The following DBT variants were observed in gnomAD, a reference collection of about 807,000 sequenced individuals.
DBT encodes the protein dihydrolipoamide branched chain transacylase E2, also known as lipoamide acyltransferase component of branched-chain alpha-keto acid dehydrogenase complex, mitochondrial.
Under a neutral mutation model 51.3 loss-of-function variants are expected in DBT, and 40 were observed. That is an observed-to-expected ratio of 0.78 (90% confidence interval 0.61 to 1.02). The LOEUF (loss-of-function observed/expected upper bound fraction) is 1.02. Among genes scored for constraint, DBT ranks in the 50% least tolerant of loss-of-function variants. The probability of loss-of-function intolerance (pLI) is 0.00; values close to 1 mark genes in which losing one functional copy is unlikely to be tolerated. For synonymous variants in DBT, 181 were observed against 190.4 expected, an observed-to-expected ratio of 0.95 and a Z score of 0.41; for missense variants, 510 against 580.2, an observed-to-expected ratio of 0.88 and a Z score of 1.24.
chr1:100,247,845 T>G (rs1463515715), intron 1 of DBT, among the ~76,000 whole-genome samples: 1 of 151,526 alleles, frequency 6.6e-6, no homozygotes, highest in African/African-American at 2.4e-5. Flanking sequence ...GCTCATCCTG[T>G]AATCCCAGCA....
In DBT at chr1:100,210,325, TAAGAAGAAGAAG is replaced by T. The variant is rs145600331; in HGVS notation, c.1017+357_1017+368del. ...ACTCTGCCAATAATAATAATAATAATAAGAAGAAGAAGAAGAAGAAGAATAAGAATAATAATA... is the reference window on the plus strand; with the variant it reads ...ACTCTGCCAATAATAATAATAATAATAAGAAGAAGAATAAGAATAATAATA... On this transcript the variant is annotated intron_variant, in intron 8 of 10. Coordinates refer to ENST00000370132, the MANE Select transcript of DBT (RefSeq NM_001918.5). Among the ~76,000 whole-genome samples the T allele has an allele frequency of 3.5e-3, 499 of 144,090 alleles. 3 individuals are homozygous for T. The highest frequency in any genetic ancestry group is 8.1e-3 in the South Asian group (36 of 4,454). 94.5% of individuals were successfully genotyped at this position (144,090 alleles called of 152,430 possible).
chr1:100,219,049 A>G (rs1182362660), intron 4 of DBT, among the ~76,000 whole-genome samples: 1 of 152,152 alleles, frequency 6.6e-6, no homozygotes, highest in Admixed American at 6.5e-5. Context: ...GTTTTCCTCA[A>G]GAAATTTTAA....
chr1:100,212,333 G>A (rs1662198522), intron 7 of DBT, among the ~76,000 whole-genome samples: 1 of 152,056 alleles, frequency 6.6e-6, no homozygotes, highest in South Asian at 2.1e-4. Flanking sequence ...GCTCATCCCT[G>A]TAAGACCAGC....
intron 10 of DBT, 83 bp from the exon 11 acceptor site, chr1:100,196,505 ATGG>A (rs1480630151): frequency 2.3e-4 from 339 of 1,501,732 alleles, no homozygotes; most frequent in Middle Eastern, 1.2e-3. Context: ...AGCTCTAACA[ATGG>A]TGTAAGATCA....
Position 100,187,888 on chromosome 1 carries a change from GA to G in DBT, c.*8366del, listed in dbSNP as rs1449123856. 1 of 152,128 alleles carries G rather than the reference GA, an allele frequency of 6.6e-6. No homozygotes were observed. The highest frequency in any genetic ancestry group is 2.4e-5 in the African/African-American group (1 of 41,426). The allele number at this position is 152,128 out of a possible 1,614,324, so 9.4% of individuals were successfully genotyped here. Reference sequence around the variant, plus strand: ...TTGTATTTAGAAAGTATGACAATCTGAAAATCAACATTTTACAGAAGTGACA... The same window carrying G: ...TTGTATTTAGAAAGTATGACAATCTGAAATCAACATTTTACAGAAGTGACA... On this transcript the variant is annotated 3_prime_UTR_variant, in exon 11 of 11. Coordinates refer to ENST00000370132, the MANE Select transcript of DBT (RefSeq NM_001918.5).
At chr1:100,246,415 TGGAC>T (rs1664544766) in intron 1 of DBT, among the ~76,000 whole-genome samples, 3 of 152,222 alleles carry the variant, frequency 2.0e-5, no homozygotes, top group Admixed American at 2.0e-4. Flanking sequence ...GACATTGTAC[TGGAC>T]TTGGAAATGC....
rs1356550702 is a variant in DBT at position 100,192,117 on chromosome 1, T to C, written c.*4138A>G. On this transcript the variant is annotated 3_prime_UTR_variant, in exon 11 of 11. Transcript: ENST00000370132. ...TCCGGCCTCTCTTGGTGATTTTGAC[T>C]GGAAATGATGTGGGTTCACACACAT... is the stretch of plus-strand genomic sequence containing the variant. The C allele has an allele frequency of 6.6e-6, 1 of 152,190 alleles. No homozygotes were observed. The highest frequency in any genetic ancestry group is 1.5e-5 in the Non-Finnish European group (1 of 68,072). The allele number at this position is 152,190 out of a possible 1,614,324, so 9.4% of individuals were successfully genotyped here.
Position 100,233,800 on chromosome 1 carries a change from T to C in DBT, c.251+1636A>G, listed in dbSNP as rs142240936. Among the ~76,000 whole-genome samples, 250 of 152,272 alleles carry C rather than the reference T, an allele frequency of 1.6e-3. 4 individuals are homozygous for C. In the East Asian group the frequency reaches 0.046, roughly 28 times the overall value. ...CTGATTGGCTAGCAACTTAGCACTT[T>C]TTAAAAGAGGCAAAGGTAGAGGAGA... On this transcript the variant is annotated intron_variant, in intron 3 of 10. Transcript: ENST00000370132.
chr1:100,246,418 A>C (rs914570122), intron 1 of DBT, among the ~76,000 whole-genome samples: 16 of 152,214 alleles, frequency 1.1e-4, no homozygotes, highest in Non-Finnish European at 1.6e-4. Context: ...ATTGTACTGG[A>C]CTTGGAAATG....
rs764425796 is a variant in DBT at position 100,210,782 on chromosome 1, G to GA, written c.940-12dup. Reference sequence around the variant, plus strand: ...TCCCAAGGAAGCAGCCTGTTTAACAGAAAAAGAATGCAATTTTAGTACTTT... The same window carrying GA: ...TCCCAAGGAAGCAGCCTGTTTAACAGAAAAAAGAATGCAATTTTAGTACTTT... On this transcript the variant is annotated splice_polypyrimidine_tract_variant and intron_variant, in intron 7 of 10. Transcript: ENST00000370132. 6.2e-7 allele frequency: 1 copy of GA among 1,613,156 alleles called. No individual in the cohort carries two copies. The highest frequency in any genetic ancestry group is 2.2e-5 in the East Asian group (1 of 44,822).
rs34229137 is a variant in DBT, at chr1:100,206,310, T to A, written c.1210-9A>T. ...GCAAAGGTACCACCAATCTATTTTTTAAAAAAAAAAAAAGGAGAGTATTAA... is the reference window on the plus strand; with the variant it reads ...GCAAAGGTACCACCAATCTATTTTTAAAAAAAAAAAAAAGGAGAGTATTAA... On this transcript the variant is annotated splice_polypyrimidine_tract_variant and intron_variant, in intron 9 of 10. Transcript: ENST00000370132. The A allele has an allele frequency of 0.34, 479,811 of 1,423,572 alleles. 33,437 individuals are homozygous for A. The highest frequency in any genetic ancestry group is 0.37 in the Admixed American group (20,366 of 54,392). 88.2% of individuals were successfully genotyped at this position (1,423,572 alleles called of 1,614,324 possible).
chr1:100,206,684 C>T, intron 8 of DBT, 48 bp from the exon 9 acceptor site: 2 of 1,103,136 alleles, frequency 1.8e-6, no homozygotes, highest in African/African-American at 1.5e-5. Flanking sequence ...AATAAGCTAA[C>T]AGCAAAGAAA....
At chr1:100,204,643 C>T (rs760180300) in intron 10 of DBT, among the ~76,000 whole-genome samples, 16 of 152,008 alleles carry the variant, frequency 1.1e-4, no homozygotes, top group Non-Finnish European at 8.8e-5. Flanking sequence ...GCCCACATAG[C>T]CAAGATAATC....
In DBT at chr1:100,230,629, G is replaced by GA. The variant is rs11394110; in HGVS notation, c.433+103dup. The GA allele has an allele frequency of 0.62, 330,132 of 533,468 alleles. 70,374 individuals carry two copies. Among genetic ancestry groups the GA allele is most frequent in the Admixed American group, 0.73 (19,651 of 26,932 alleles). The allele number at this position is 533,468 out of a possible 1,614,324, so 33.0% of individuals were successfully genotyped here. A position where few individuals can be genotyped will look rare whatever the true frequency, so the allele number is the denominator to read the frequency against. On this transcript the variant is annotated intron_variant, in intron 4 of 10. Transcript: ENST00000370132. ...CAAGAGCTAAAAATAAATAGGAATAGAAAAAAAAAAAACAAAAAAACAAAG... is the reference window on the plus strand; with the variant it reads ...CAAGAGCTAAAAATAAATAGGAATAGAAAAAAAAAAAAACAAAAAAACAAAG...
chr1:100,228,917 G>A (rs1477725457), intron 4 of DBT, among the ~76,000 whole-genome samples: 1 of 152,062 alleles, frequency 6.6e-6, no homozygotes, highest in Non-Finnish European at 1.5e-5. Context: ...TGATATACAC[G>A]AATGCATTGA....
chr1:100,205,088 A>G (rs1488678232), intron 10 of DBT, among the ~76,000 whole-genome samples: 1 of 152,240 alleles, frequency 6.6e-6, no homozygotes, highest in South Asian at 2.1e-4. Flanking sequence ...ATTGCAACAA[A>G]GCCAAAATTG....
At chr1:100,236,010 A>G (rs933178208) in intron 2 of DBT, among the ~76,000 whole-genome samples, 7 of 152,128 alleles carry the variant, frequency 4.6e-5, no homozygotes, top group Non-Finnish European at 1.0e-4. Flanking sequence ...GTTTGTCCAA[A>G]CTTATGTTCT....
At chr1:100,214,286 C>A (rs1216678993) in intron 7 of DBT, among the ~76,000 whole-genome samples, 3 of 152,326 alleles carry the variant, frequency 2.0e-5, no homozygotes, top group African/African-American at 7.2e-5. Flanking sequence ...GCAGAATTGT[C>A]TCTACCTAGC....
chr1:100,213,255 C>T (rs1411662833), intron 7 of DBT: 16 of 1,270,266 alleles, frequency 1.3e-5, no homozygotes, highest in African/African-American at 1.6e-5. Context: ...GCGTGCGCCG[C>T]GTCCCCGCCG....
Sources: allele counts gnomAD v4.1 joint callset (sites outside exome capture counted in the v4.1 genomes callset), GRCh38; gene constraint gnomAD v4.1.1; transcripts MANE v1.5; gene names NCBI Gene and HGNC (gene_info 2026-07-23, HGNC 2026-07-21).